Variants in ELMO1 observed in about 807,000 individuals in gnomAD.
ELMO1 encodes the protein engulfment and cell motility 1, also known as engulfment and cell motility protein 1.
ELMO1 carries 26 observed loss-of-function variants against 98.9 expected under a neutral mutation model. The observed-to-expected ratio is 0.26, with a 90% CI of 0.19 to 0.36. The LOEUF is 0.36. Among genes scored for constraint, ELMO1 ranks in the 10% least tolerant of loss-of-function variants. ELMO1 has a pLI of 1.00. For missense variants in ELMO1, 627 were observed against 935.2 expected (o/e 0.67, Z 4.30); for synonymous variants, 346 against 346.0 (o/e 1.00, Z 0.00).
At chr7:36,887,764 A>G in intron 17 of ELMO1, 92 bp from the exon 18 acceptor site, 1 of 1,121,088 alleles carries the variant, frequency 8.9e-7, no homozygotes, top group Non-Finnish European at 1.3e-6. Context: ...GGGGAGAACA[A>G]GTGCATCTTT....
chr7:37,414,361 A>C (rs1318572815), intron 1 of ELMO1, among the ~76,000 whole-genome samples: 1 of 152,190 alleles, frequency 6.6e-6, no homozygotes, highest in Non-Finnish European at 1.5e-5. Flanking sequence ...GAGGGGGAAA[A>C]CCCCTGTACA....
intron 16 of ELMO1, among the ~76,000 whole-genome samples, chr7:36,999,400 C>A (rs1792471448): frequency 6.6e-6 from 1 of 152,296 alleles, no homozygotes; most frequent in Non-Finnish European, 1.5e-5. Context: ...AAAACAACTC[C>A]ATGACGATCA....
At chr7:37,245,386 G>C (rs1388605226) in intron 6 of ELMO1, among the ~76,000 whole-genome samples, 2 of 152,042 alleles carry the variant, frequency 1.3e-5, no homozygotes, top group Non-Finnish European at 2.9e-5. Flanking sequence ...GTTGACAAAC[G>C]ATTTTGCTCT....
At chr7:37,191,069 G>A (rs1445123117) in intron 13 of ELMO1, among the ~76,000 whole-genome samples, 2 of 150,770 alleles carry the variant, frequency 1.3e-5, no homozygotes, top group African/African-American at 4.9e-5. Flanking sequence ...GGCGCCTGTG[G>A]TCCCAGCTAC....
Position 37,013,338 on chromosome 7 carries a change from T to A in ELMO1, c.1398A>T (p.Thr466=). Residue 466 remains threonine (T), a synonymous_variant, in exon 16 of 22, where the codon ACA becomes ACT. Coordinates refer to ENST00000310758, the MANE Select transcript of ELMO1 (RefSeq NM_014800.11). ...FCICIQLLNK[T]WKEMRATSED... ...CAGAAGTTGCCCTCATTTCCTTCCA[T>A]GTCTTGTTCAGGAGCTGGATACAGA... 1 of 1,614,084 alleles carries A rather than the reference T, an allele frequency of 6.2e-7. No homozygotes were observed. The highest frequency in any genetic ancestry group is 1.1e-5 in the South Asian group (1 of 91,082).
At position 37,013,455 on chromosome 7, in the gene ELMO1, A is replaced by G. The variant is rs1349788809; in HGVS notation, c.1301-20T>C. 1 of 1,612,886 alleles carries G rather than the reference A, an allele frequency of 6.2e-7. No individual in the cohort carries two copies. Among genetic ancestry groups the G allele is most frequent in the Admixed American group, 1.7e-5 (1 of 59,928 alleles). On this transcript the variant is annotated intron_variant, in intron 15 of 21. Transcript: ENST00000310758. ...CACTAGCTGGAGGAAAGAGATGGAA[A>G]ATAAGAGAAAAAGTTTTAAAACAGT...
chr7:36,995,010 A>C (rs1242991325), intron 16 of ELMO1, among the ~76,000 whole-genome samples: 2 of 152,222 alleles, frequency 1.3e-5, no homozygotes, highest in African/African-American at 4.8e-5. Context: ...TGCTCAGACC[A>C]CACCTGGAGC....
intron 13 of ELMO1, among the ~76,000 whole-genome samples, chr7:37,162,556 A>G (rs551090142): frequency 1.2e-4 from 18 of 152,360 alleles, no homozygotes; most frequent in Admixed American, 8.5e-4. Flanking sequence ...TTGTCAACCT[A>G]CAAATATATA....
intron 1 of ELMO1, among the ~76,000 whole-genome samples, chr7:37,396,445 C>A (rs1165785177): frequency 6.6e-6 from 1 of 151,942 alleles, no homozygotes; most frequent in Non-Finnish European, 1.5e-5. Context: ...TTAATATAGT[C>A]CCTGAAAGAA....
chr7:36,920,320 G>A (rs567497086), intron 16 of ELMO1, among the ~76,000 whole-genome samples: 81 of 152,346 alleles, frequency 5.3e-4, no homozygotes, highest in African/African-American at 1.7e-3. Flanking sequence ...CCCCATGCAA[G>A]CAACTATCAT....
At chr7:37,168,066 C>T (rs1200478247) in intron 13 of ELMO1, among the ~76,000 whole-genome samples, 1 of 151,328 alleles carries the variant, frequency 6.6e-6, no homozygotes, top group Non-Finnish European at 1.5e-5. Flanking sequence ...CTAAACTTCC[C>T]TTCTCGCTTC....
chr7:37,423,022 T>G (rs998629122), intron 1 of ELMO1, among the ~76,000 whole-genome samples: 3 of 152,214 alleles, frequency 2.0e-5, no homozygotes, highest in Non-Finnish European at 4.4e-5. Context: ...TTGTTTAAAT[T>G]TTCCTATCTG....
At chr7:37,240,786 A>C (rs568512912) in intron 7 of ELMO1, among the ~76,000 whole-genome samples, 1 of 152,192 alleles carries the variant, frequency 6.6e-6, no homozygotes, top group Non-Finnish European at 1.5e-5. Flanking sequence ...CTATTCGGCT[A>C]TTTTATTGTT....
chr7:36,894,718 T>C (rs1340796333), intron 17 of ELMO1, 136 bp downstream of exon 17: 19 of 1,087,642 alleles, frequency 1.7e-5, no homozygotes, highest in Admixed American at 4.4e-5. Flanking sequence ...CCTAACTAAA[T>C]GGAGATACTT....
Position 36,887,593 on chromosome 7 carries a change from A to C in ELMO1, c.1681T>G (p.Cys561Gly). The C allele has an allele frequency of 6.2e-7, 1 of 1,614,102 alleles. No individual in the cohort carries two copies. Among genetic ancestry groups the C allele is most frequent in the South Asian group, 1.1e-5 (1 of 91,082 alleles). ...CGCCGGGCATTGAGTTTCCTAAAGC[A>C]GGTCCCTTCCACAAGGCGGTTCAGG... The part of the protein sequence containing the change: ...QRLNRLVEGT[C>G]FRKLNARRRQ... Residue 561 changes from cysteine to glycine, a missense_variant, in exon 18 of 22, where the codon TGC becomes GGC. Around this residue, in one of 3 missense-constraint regions of ELMO1, gnomAD observed 492 missense variants for 715.6 expected, o/e 0.69. Transcript: ENST00000310758.
rs79483843 is a variant in ELMO1, at chr7:37,169,541, C to T, written c.1087-36307G>A. ...CACTTCAAATGTTCAAATTGAGTCA[C>T]TTTAGATGTCCTGAAAAAAATGTAT... is the stretch of plus-strand genomic sequence containing the variant. On this transcript the variant is annotated intron_variant, in intron 13 of 21. Transcript: ENST00000310758. Among the ~76,000 whole-genome samples the T allele has an allele frequency of 3.2e-3, 486 of 152,312 alleles. 2 individuals carry two copies. The highest frequency in any genetic ancestry group is 0.011 in the African/African-American group (459 of 41,570).
At chr7:37,440,519 C>G (rs1422101553) in intron 1 of ELMO1, among the ~76,000 whole-genome samples, 1 of 151,238 alleles carries the variant, frequency 6.6e-6, no homozygotes, top group African/African-American at 2.4e-5. Flanking sequence ...ACCTGTAATC[C>G]CAGCATTTTG....
chr7:37,388,656 C>T (rs1802926178), intron 1 of ELMO1, among the ~76,000 whole-genome samples: 1 of 151,516 alleles, frequency 6.6e-6, no homozygotes, highest in African/African-American at 2.4e-5. Flanking sequence ...AGACTGCCAC[C>T]AGCTGGGCAT....
intron 15 of ELMO1, among the ~76,000 whole-genome samples, chr7:37,090,030 T>A (rs1250936810): frequency 6.6e-6 from 1 of 152,176 alleles, no homozygotes; most frequent in African/African-American, 2.4e-5. Context: ...AAAACACTTC[T>A]ACACACCTAA....
Sources: gnomAD v4.1 joint callset for allele counts (sites outside exome capture counted in the v4.1 genomes callset) on GRCh38, gnomAD v4.1.1 for gene constraint, gnomAD v4.1.1 regional missense constraint, MANE v1.5 for transcripts, NCBI Gene and HGNC (gene_info 2026-07-23, HGNC 2026-07-21) for gene names.